Variants in MAGI1 observed in about 807,000 individuals in gnomAD.
MAGI1 encodes membrane associated guanylate kinase, WW and PDZ domain containing 1.
MAGI1 carries 58 observed loss-of-function variants against 139.9 expected under a neutral mutation model. That is an observed-to-expected ratio of 0.41 (90% CI 0.34 to 0.52). The LOEUF is 0.52. Ranked by LOEUF, MAGI1 falls within the 20% of genes least tolerant of loss-of-function variation. The probability of loss-of-function intolerance (pLI) is 0.12; values close to 1 mark genes in which losing one functional copy is unlikely to be tolerated. For synonymous variants in MAGI1, 812 were observed against 737.9 expected, an observed-to-expected ratio of 1.10 and a Z score of -1.63; for missense variants, 1,874 against 1,901.6, an observed-to-expected ratio of 0.99 and a Z score of 0.27.
At chr3:65,596,547 C>A (rs1309644445) in intron 2 of MAGI1, among the ~76,000 whole-genome samples, 2 of 152,180 alleles carry the variant, frequency 1.3e-5, no homozygotes, top group Admixed American at 1.3e-4. Context: ...CATACATACC[C>A]TCAAATAATT....
At chr3:65,470,549 T>G in intron 4 of MAGI1, 65 bp from the exon 5 acceptor site, 1 of 1,013,398 alleles carries the variant, frequency 9.9e-7, no homozygotes, top group Non-Finnish European at 1.5e-6. Flanking sequence ...TATTCAGCAA[T>G]CATACCCCAT....
Position 65,439,904 on chromosome 3 carries a change from C to T in MAGI1, c.1245G>A (p.Gln415=), listed in dbSNP as rs148523603. ...QQQQQQQQQQ[Q]QQQQQQTEEW... ...CTTCTGTCTGCTGCTGCTGCTGCTG[C>T]TGCTGCTGCTGTTGCTGCTGCTGTT... Residue 415 remains glutamine (Q), a synonymous_variant, in exon 9 of 23, where the codon CAG becomes CAA. Transcript: ENST00000402939. 3.7e-6 allele frequency: 6 copies of T among 1,609,772 alleles called. No individual in the cohort carries two copies. The highest frequency in any genetic ancestry group is 2.2e-5 in the East Asian group (1 of 44,616).
intron 1 of MAGI1, among the ~76,000 whole-genome samples, chr3:65,647,347 C>T (rs2085323533): frequency 1.3e-5 from 2 of 152,070 alleles, no homozygotes; most frequent in Admixed American, 6.6e-5. Context: ...AGCTGTTAGG[C>T]AAATTGAAGA....
At position 65,490,554 on chromosome 3, in the gene MAGI1, G is replaced by A. The variant is rs577341768; in HGVS notation, c.550+2958C>T. Among the ~76,000 whole-genome samples, 17 of 152,182 alleles carry A rather than the reference G, an allele frequency of 1.1e-4. 1 individual carries two copies. The East Asian group carries it at 2.3e-3, about 21-fold the overall frequency. ...ACTCTGGTCAGTTCCAAAAACTTAT[G>A]AGCCATCTCGGCCAGGCTCGGTGGC... On this transcript the variant is annotated intron_variant, in intron 3 of 22. Coordinates refer to ENST00000402939, the MANE Select transcript of MAGI1 (RefSeq NM_001033057.2).
intron 12 of MAGI1, among the ~76,000 whole-genome samples, chr3:65,425,850 T>A (rs1947006373): frequency 6.6e-6 from 1 of 152,122 alleles, no homozygotes; most frequent in African/African-American, 2.4e-5. Context: ...ACATGAGCCT[T>A]TTTTAAAAAA....
intron 1 of MAGI1, among the ~76,000 whole-genome samples, chr3:65,767,541 T>C (rs1433036695): frequency 6.6e-6 from 1 of 152,226 alleles, no homozygotes; most frequent in Non-Finnish European, 1.5e-5. Flanking sequence ...AGAATAGTTT[T>C]ATAGTATTTA....
intron 1 of MAGI1, among the ~76,000 whole-genome samples, chr3:65,979,353 AG>A (rs2065448069): frequency 6.6e-6 from 1 of 152,132 alleles, no homozygotes; most frequent in Admixed American, 6.5e-5. Flanking sequence ...CCATTCTCGC[AG>A]TTAAATTCCG....
chr3:65,936,901 AGTTGTT>A (rs149793328), intron 1 of MAGI1, among the ~76,000 whole-genome samples: 1 of 128,884 alleles, frequency 7.8e-6, no homozygotes, highest in African/African-American at 3.1e-5. Flanking sequence ...TCAGGTTCAA[AGTTGTT>A]GTTGTTGTTG....
At chr3:65,452,955 T>C (rs1170429423) in intron 6 of MAGI1, 9 of 274,624 alleles carry the variant, frequency 3.3e-5, no homozygotes, top group Non-Finnish European at 5.6e-5. Context: ...TCCTAGAGAC[T>C]TTCTAGAATT....
chr3:65,905,098 T>C (rs1042763932), intron 1 of MAGI1, among the ~76,000 whole-genome samples: 3 of 152,190 alleles, frequency 2.0e-5, no homozygotes, highest in African/African-American at 7.2e-5. Flanking sequence ...TACTGATGCC[T>C]ATGCTATATC....
chr3:66,030,163 T>C (rs2068516219), intron 1 of MAGI1, among the ~76,000 whole-genome samples: 1 of 152,160 alleles, frequency 6.6e-6, no homozygotes, highest in Non-Finnish European at 1.5e-5. Flanking sequence ...AGGCCAGCAA[T>C]GTTCACTGAC....
chr3:65,433,874 T>C (rs1450885990), intron 10 of MAGI1, among the ~76,000 whole-genome samples: 1 of 152,162 alleles, frequency 6.6e-6, no homozygotes, highest in African/African-American at 2.4e-5. Context: ...CTTTCCGTGA[T>C]GATGGAAATG....
intron 2 of MAGI1, among the ~76,000 whole-genome samples, chr3:65,607,223 T>G (rs192294371): frequency 6.6e-6 from 1 of 151,650 alleles, no homozygotes; most frequent in Admixed American, 6.6e-5. Context: ...TGCCTCCCTG[T>G]CAAATAGCTG....
In MAGI1 at chr3:65,693,880, G is replaced by C. The variant is rs1472283236; in HGVS notation, c.314-71792C>G. Among the ~76,000 whole-genome samples, 6 of 140,184 alleles carry C rather than the reference G, an allele frequency of 4.3e-5. No individual in the cohort carries two copies. In the East Asian group the frequency reaches 1.4e-3, roughly 33 times the overall value. 92.0% of individuals were successfully genotyped at this position (140,184 alleles called of 152,430 possible). Reference sequence around the variant, plus strand: ...TGGGATTACAGGCGTGGACCATCATGCCTGGCTAATTTTTGATTTTAGTAG... The same window carrying C: ...TGGGATTACAGGCGTGGACCATCATCCCTGGCTAATTTTTGATTTTAGTAG... On this transcript the variant is annotated intron_variant, in intron 1 of 22. Transcript: ENST00000402939.
intron 1 of MAGI1, among the ~76,000 whole-genome samples, chr3:66,030,915 C>T (rs114277204): frequency 0.013 from 1,916 of 152,286 alleles, 52 homozygotes; most frequent in African/African-American, 0.044. Flanking sequence ...TACATGCCTT[C>T]GGAAAAGTTG....
intron 2 of MAGI1, 142 bp from the exon 3 acceptor site, chr3:65,493,773 A>G (rs1309556111): frequency 1.1e-6 from 1 of 878,312 alleles, no homozygotes; most frequent in East Asian, 2.7e-5. Flanking sequence ...ACAGGGACAC[A>G]GTAAAGGCAA....
chr3:65,478,859 G>A, intron 3 of MAGI1, 61 bp from the exon 4 acceptor site: 2 of 1,199,412 alleles, frequency 1.7e-6, no homozygotes, highest in Non-Finnish European at 2.5e-6. Context: ...TTTTTTTTAA[G>A]ACTTCACATC....
intron 1 of MAGI1, among the ~76,000 whole-genome samples, chr3:65,888,019 C>T (rs1386467225): frequency 6.6e-6 from 1 of 152,160 alleles, no homozygotes; most frequent in African/African-American, 2.4e-5. Flanking sequence ...TTCTGTGTTT[C>T]ATAAAGAACC....
At chr3:65,450,556 T>A (rs1336248528) in intron 6 of MAGI1, among the ~76,000 whole-genome samples, 1 of 152,150 alleles carries the variant, frequency 6.6e-6, no homozygotes, top group African/African-American at 2.4e-5. Flanking sequence ...GGAAAGATCA[T>A]CAGTTTTAAT....
Sources: allele counts gnomAD v4.1 joint callset (sites outside exome capture counted in the v4.1 genomes callset), GRCh38; gene constraint gnomAD v4.1.1; transcripts MANE v1.5; gene names NCBI Gene and HGNC (gene_info 2026-07-23, HGNC 2026-07-21).